CHST9: variants seen among roughly 807,000 people sequenced by gnomAD.
CHST9 encodes carbohydrate sulfotransferase 9.
In CHST9, 41 loss-of-function variants were observed where a neutral mutation model predicts 44.4. The ratio of observed to expected loss-of-function variants is 0.92; its 90% CI spans 0.72 to 1.20. CHST9 has a LOEUF of 1.20. CHST9 is among the 50% of genes most tolerant of loss of function. CHST9 has a pLI of 0.00. For synonymous variants in CHST9, 171 were observed against 178.4 expected, an observed-to-expected ratio of 0.96 and a Z score of 0.33; for missense variants, 504 against 516.5, an observed-to-expected ratio of 0.98 and a Z score of 0.23.
intron 5 of CHST9, among the ~76,000 whole-genome samples, chr18:26,934,028 A>T (rs2055930344): frequency 6.6e-6 from 1 of 152,110 alleles, no homozygotes; most frequent in African/African-American, 2.4e-5. Context: ...TCACACGTGA[A>T]TGGGCCTGGC....
chr18:27,146,326 G>A (rs769097852), intron 1 of CHST9, among the ~76,000 whole-genome samples: 1 of 152,172 alleles, frequency 6.6e-6, no homozygotes, highest in Non-Finnish European at 1.5e-5. Context: ...AGGCAGAAAG[G>A]CAATCTGGTG....
intron 2 of CHST9, among the ~76,000 whole-genome samples, chr18:27,112,960 C>T (rs1293232066): frequency 6.6e-6 from 1 of 152,018 alleles, no homozygotes; most frequent in East Asian, 1.9e-4. Context: ...GAGGCCGAGG[C>T]CGGTGGATCA....
chr18:27,021,449 A>G (rs1001204309), intron 4 of CHST9, among the ~76,000 whole-genome samples: 1 of 152,180 alleles, frequency 6.6e-6, no homozygotes, highest in African/African-American at 2.4e-5. Flanking sequence ...TGCACTGGCC[A>G]ACGTTTCCAA....
rs1228577031 is a variant in CHST9, at chr18:26,913,205, T to C, written c.*3054A>G. 1.3e-5 allele frequency: 2 copies of C among 152,224 alleles called. No individual in the cohort carries two copies. Among genetic ancestry groups the C allele is most frequent in the Non-Finnish European group, 2.9e-5 (2 of 68,032 alleles). The allele number at this position is 152,224 out of a possible 1,614,324, so 9.4% of individuals were successfully genotyped here. On this transcript the variant is annotated 3_prime_UTR_variant, in exon 6 of 6. Transcript: ENST00000618847. ...ATAATACATCAATAAAATGTAAAAG[T>C]ATTTTTCCTCTTTCTAATTAAAAAT...
At position 26,916,371 on chromosome 18, in the gene CHST9, G is replaced by A. The variant is rs772750714; in HGVS notation, c.1220C>T (p.Ala407Val). Reference sequence around the variant, plus strand: ...CTTTAAATACTGTCTCACGACTTGAGCATTGGTTCTTTCATCGGAAGAGTG... The same window carrying A: ...CTTTAAATACTGTCTCACGACTTGAACATTGGTTCTTTCATCGGAAGAGTG... ...DRHSSDERTNAQVVRQYLKDL... is the reference protein window; with the variant it reads ...DRHSSDERTNVQVVRQYLKDL... Residue 407 changes from alanine (A) to valine (V), a missense_variant, in exon 6 of 6, where the codon GCT becomes GTT. Physicochemically the swap from Ala to Val is moderately conservative, Grantham distance 64. Coordinates refer to ENST00000618847, the MANE Select transcript of CHST9 (RefSeq NM_031422.6). The A allele has an allele frequency of 4.3e-6, 7 of 1,613,742 alleles. No individual in the cohort carries two copies. In the Admixed American group the frequency reaches 5.0e-5, roughly 12 times the overall value.
intron 2 of CHST9, among the ~76,000 whole-genome samples, chr18:27,100,215 TATGG>T (rs2058157836): frequency 6.6e-6 from 1 of 152,052 alleles, no homozygotes. Flanking sequence ...AATGACTACT[TATGG>T]ACATAAATAG....
intron 4 of CHST9, among the ~76,000 whole-genome samples, chr18:26,990,153 A>G (rs1239724707): frequency 6.6e-6 from 1 of 152,204 alleles, no homozygotes; most frequent in Non-Finnish European, 1.5e-5. Flanking sequence ...GGAAATGAGT[A>G]CATACCATAT....
At position 27,064,069 on chromosome 18, in the gene CHST9, C is replaced by T. The variant is rs992263373; in HGVS notation, c.122-15566G>A. On this transcript the variant is annotated intron_variant, in intron 2 of 5. Coordinates refer to ENST00000618847, the MANE Select transcript of CHST9 (RefSeq NM_031422.6). ...TATATACAGAGACTTTTTTTTTAAG[C>T]TCTGTTGTGACACTGCTAGATATTA... Among the ~76,000 whole-genome samples the T allele has an allele frequency of 4.3e-4, 66 of 151,852 alleles. 1 individual carries two copies. Among genetic ancestry groups the T allele is most frequent in the Non-Finnish European group, 4.4e-5 (3 of 67,944 alleles).
At chr18:27,127,616 T>C (rs547983222) in intron 2 of CHST9, among the ~76,000 whole-genome samples, 29 of 152,226 alleles carry the variant, frequency 1.9e-4, no homozygotes, top group Middle Eastern at 6.8e-3. Context: ...AGGGAAAATA[T>C]GGTTGAAAGA....
At chr18:27,164,342 G>A (rs2058773342) in intron 1 of CHST9, among the ~76,000 whole-genome samples, 1 of 148,926 alleles carries the variant, frequency 6.7e-6, no homozygotes. Flanking sequence ...AAACGCTTTT[G>A]CAAATGAAAA....
chr18:27,178,296 A>C (rs2058884241), intron 1 of CHST9, among the ~76,000 whole-genome samples: 2 of 151,964 alleles, frequency 1.3e-5, no homozygotes. Flanking sequence ...CCACACACAC[A>C]TATTATTGAC....
intron 2 of CHST9, among the ~76,000 whole-genome samples, chr18:27,058,357 A>C (rs2057682074): frequency 6.6e-6 from 1 of 152,326 alleles, no homozygotes; most frequent in East Asian, 1.9e-4. Flanking sequence ...ATCTTTTCAT[A>C]ATGTTTATTC....
At chr18:27,146,498 G>A (rs772317680) in intron 1 of CHST9, among the ~76,000 whole-genome samples, 20 of 152,306 alleles carry the variant, frequency 1.3e-4, no homozygotes, top group Non-Finnish European at 2.5e-4. Flanking sequence ...CACCTATTTG[G>A]AGATCATATA....
At chr18:27,140,392 T>G (rs968237214) in intron 2 of CHST9, among the ~76,000 whole-genome samples, 1 of 152,230 alleles carries the variant, frequency 6.6e-6, no homozygotes, top group African/African-American at 2.4e-5. Flanking sequence ...CTATTAATGC[T>G]TATGGACACA....
intron 1 of CHST9, among the ~76,000 whole-genome samples, chr18:27,175,025 G>C (rs200628871): frequency 6.6e-6 from 1 of 152,018 alleles, no homozygotes; most frequent in East Asian, 1.9e-4. Context: ...ATTCAGTCAC[G>C]AATGTTAGCA....
intron 3 of CHST9, among the ~76,000 whole-genome samples, chr18:27,043,432 C>T (rs979525218): frequency 1.3e-5 from 2 of 151,938 alleles, no homozygotes; most frequent in African/African-American, 4.8e-5. Context: ...ATTTTCTCCA[C>T]CAAACTTGTC....
intron 4 of CHST9, 26 bp from the exon 5 acceptor site, chr18:26,944,392 T>G: frequency 6.4e-7 from 1 of 1,555,468 alleles, no homozygotes; most frequent in East Asian, 2.2e-5. Flanking sequence ...AAAAGAATTT[T>G]TACATTAAAG....
At chr18:27,159,897 T>C (rs986488100) in intron 1 of CHST9, among the ~76,000 whole-genome samples, 10 of 152,240 alleles carry the variant, frequency 6.6e-5, no homozygotes, top group African/African-American at 2.4e-4. Flanking sequence ...CACTCATGAT[T>C]TGGCTCTCTA....
chr18:27,114,192 G>A (rs575266199), intron 2 of CHST9, among the ~76,000 whole-genome samples: 164 of 152,278 alleles, frequency 1.1e-3, no homozygotes, highest in Non-Finnish European at 1.4e-3. Flanking sequence ...GATGTTTTAT[G>A]TTTGAGGATT....
Sources: allele counts gnomAD v4.1 joint callset (sites outside exome capture counted in the v4.1 genomes callset), GRCh38; gene constraint gnomAD v4.1.1; transcripts MANE v1.5; gene names NCBI Gene and HGNC (gene_info 2026-07-23, HGNC 2026-07-21).